Variants in ACOX3 observed in about 807,000 individuals in gnomAD.
ACOX3 encodes the protein peroxisomal acyl-coenzyme A oxidase 3.
In ACOX3, 73 loss-of-function variants were observed where a neutral mutation model predicts 81.5. The observed-to-expected ratio is 0.90, with a 90% CI of 0.74 to 1.09. The LOEUF (loss-of-function observed/expected upper bound fraction) is 1.09, where lower values mean the gene tolerates loss of function less well. ACOX3 is among the 50% of genes least tolerant of loss of function. The pLI is 0.00. For synonymous variants in ACOX3, 387 were observed against 375.1 expected, an observed-to-expected ratio of 1.03 and a Z score of -0.37; for missense variants, 947 against 928.0, an observed-to-expected ratio of 1.02 and a Z score of -0.27.
chr4:8,369,293 T>C (rs575257535), intron 17 of ACOX3, among the ~76,000 whole-genome samples: 1 of 152,136 alleles, frequency 6.6e-6, no homozygotes, highest in East Asian at 1.9e-4. Flanking sequence ...GGAGACTGCC[T>C]CTCCCAGGAA....
chr4:8,438,754 T>C (rs1483440598), intron 1 of ACOX3: 1 of 152,236 alleles, frequency 6.6e-6, no homozygotes, highest in Non-Finnish European at 1.5e-5. Flanking sequence ...TCTTTTCCAC[T>C]CCCACTGCTG....
chr4:8,428,981 C>T (rs1723783087), intron 1 of ACOX3, among the ~76,000 whole-genome samples: 1 of 152,118 alleles, frequency 6.6e-6, no homozygotes, highest in South Asian at 2.1e-4. Context: ...GGAAGTGGGC[C>T]CTCATTGACC....
intron 17 of ACOX3, among the ~76,000 whole-genome samples, chr4:8,367,806 C>CAAAAAAAAAAAAAAA (rs535574857): frequency 4.3e-5 from 2 of 46,714 alleles, no homozygotes; most frequent in African/African-American, 6.3e-5. Flanking sequence ...CCCATCTTTA[C>CAAAAAAAAAAAAAAA]AAAAAAAAAA....
Position 8,416,501 on chromosome 4 carries a change from T to G in ACOX3, c.21A>C (p.Gly7=). 6.2e-7 allele frequency: 1 copy of G among 1,610,922 alleles called. No individual in the cohort carries two copies. Among genetic ancestry groups the G allele is most frequent in the African/African-American group, 1.3e-5 (1 of 74,920 alleles). ...ATTCTGGGAGCAGAGCTGTGTCGCC[T>G]CCTTCCACAGTGGATGCCATCGCGT... MASTVE[G]GDTALLPEFP... The change falls in exon 2 of 18, where the codon GGA becomes GGC. Residue 7 remains glycine, a synonymous_variant. Transcript: ENST00000356406. This position sits in a 1 kb window ranked among gnomAD's most constrained non-coding sequence, Gnocchi z 4.2.
At chr4:8,357,269 G>C in the ACOX3 span, 1 of 456,696 alleles carries the variant, frequency 2.2e-6, no homozygotes, top group Middle Eastern at 3.3e-4. Flanking sequence ...GCCAGGAGAC[G>C]GGGGCCCTCG....
rs1719790817 is a variant in ACOX3, at chr4:8,397,080, A to T, written c.913T>A (p.Ser305Thr). ...CTCACGATGGAGACCCGGCCCGAGG[A>T]CAGGCTCCCCAGGGACGCTCCAAAG... Reference protein sequence around the residue: ...QRFGASLGSLSSGRVSIVSLA... With the variant: ...QRFGASLGSLTSGRVSIVSLA... The change falls in exon 9 of 18, where the codon TCC (serine) becomes ACC (threonine). Residue 305 changes from serine to threonine, a missense_variant. Ser to Thr is a moderately conservative substitution (Grantham distance 58). Coordinates refer to ENST00000356406, the MANE Select transcript of ACOX3 (RefSeq NM_003501.3). 6.3e-7 allele frequency: 1 copy of T among 1,596,258 alleles called. No individual in the cohort carries two copies. The highest frequency in any genetic ancestry group is 8.5e-7 in the Non-Finnish European group (1 of 1,172,656).
At position 8,437,283 on chromosome 4, in the gene ACOX3, G is replaced by C. The variant is rs1013894289; in HGVS notation, c.-15+3365C>G. Among the ~76,000 whole-genome samples the C allele has an allele frequency of 6.5e-4, 98 of 151,886 alleles. No individual in the cohort carries two copies. The highest frequency in any genetic ancestry group is 2.3e-3 in the African/African-American group (95 of 41,460). ...TGTGACCAAGGAACAAAACAGGAAA[G>C]AGCAAAAGCAACAAGTGCGGCAGCT... is the stretch of plus-strand genomic sequence containing the variant. On this transcript the variant is annotated intron_variant, in intron 1 of 17. Transcript: ENST00000356406. This position sits in a 1 kb window ranked among gnomAD's most constrained non-coding sequence, Gnocchi z 5.2.
At chr4:8,398,844 G>A (rs946816596) in intron 8 of ACOX3, among the ~76,000 whole-genome samples, 7 of 152,154 alleles carry the variant, frequency 4.6e-5, no homozygotes, top group African/African-American at 1.7e-4. Context: ...TCATCCTCCT[G>A]AGATAGTTAT....
chr4:8,374,854 C>T (rs1033768428), intron 15 of ACOX3, 124 bp downstream of exon 15: 8 of 1,087,366 alleles, frequency 7.4e-6, no homozygotes, highest in Non-Finnish European at 8.9e-6. Flanking sequence ...CTGTCCACAG[C>T]GCCATCCGCC....
chr4:8,405,970 T>C lies in ACOX3; in HGVS notation c.761A>G (p.Asn254Ser). 2.5e-6 allele frequency: 4 copies of C among 1,614,174 alleles called. No homozygotes were observed. The highest frequency in any genetic ancestry group is 2.5e-6 in the Non-Finnish European group (3 of 1,180,028). ...TGTCACTCACCCATTATCCAGACCG[T>C]TCTGCCCGAGTTTTTTTCCTATGTC... ...VGDIGKKLGQNGLDNGFAMFH... is the reference protein window; with the variant it reads ...VGDIGKKLGQSGLDNGFAMFH... Residue 254 changes from asparagine to serine, a missense_variant, in exon 7 of 18, where the codon AAC becomes AGC. Coordinates refer to ENST00000356406, the MANE Select transcript of ACOX3 (RefSeq NM_003501.3). This position sits in a 1 kb window ranked among gnomAD's most constrained non-coding sequence, Gnocchi z 7.1.
intron 1 of ACOX3, among the ~76,000 whole-genome samples, chr4:8,426,842 G>A (rs1284092155): frequency 1.3e-5 from 2 of 152,058 alleles, no homozygotes; most frequent in Admixed American, 6.5e-5. Context: ...AAGATCTACC[G>A]TGGACCCCTG....
At position 8,416,130 on chromosome 4, in the gene ACOX3, T is replaced by A; in HGVS notation, c.145-131A>T. Reference sequence around the variant, plus strand: ...TGACCCGGAGACACCCAGACAGAGATATGACTATCATTCCCAATGGACTAG... The same window carrying A: ...TGACCCGGAGACACCCAGACAGAGAAATGACTATCATTCCCAATGGACTAG... On this transcript the variant is annotated intron_variant, in intron 2 of 17. Transcript: ENST00000356406. The surrounding 1 kb of genome is among the most constrained non-coding windows in gnomAD (Gnocchi z 4.2). 9.7e-7 allele frequency: 1 copy of A among 1,029,620 alleles called. No individual in the cohort carries two copies. Among genetic ancestry groups the A allele is most frequent in the South Asian group, 1.5e-5 (1 of 64,706 alleles). The allele number at this position is 1,029,620 out of a possible 1,614,324, so 63.8% of individuals were successfully genotyped here. A position where few individuals can be genotyped will look rare whatever the true frequency, so the allele number is the denominator to read the frequency against.
At chr4:8,415,029 C>G in intron 3 of ACOX3, 101 bp from the exon 4 acceptor site, 1 of 1,073,512 alleles carries the variant, frequency 9.3e-7, no homozygotes, top group Non-Finnish European at 1.4e-6. Flanking sequence ...CATGCCCACG[C>G]TGGTTCCCTG....
intron 1 of ACOX3, among the ~76,000 whole-genome samples, chr4:8,426,129 C>T (rs965560144): frequency 3.3e-5 from 5 of 152,078 alleles, no homozygotes; most frequent in African/African-American, 4.8e-5. Context: ...GACCGAGAGA[C>T]GGCCAATTTA....
rs1452092686 is a variant in ACOX3, at chr4:8,386,900, G to T, written c.1537+2273C>A. On this transcript the variant is annotated intron_variant, in intron 13 of 17. Transcript: ENST00000356406. The surrounding 1 kb of genome is among the most constrained non-coding windows in gnomAD (Gnocchi z 5.2). ...AGACGGACAAGGACACACGCTCGGG[G>T]GCTGCTATCACATCCACGGCGTCGG... 1.3e-5 allele frequency among the ~76,000 whole-genome samples: 2 copies of T among 152,208 alleles called. No individual in the cohort carries two copies. Among genetic ancestry groups the T allele is most frequent in the Non-Finnish European group, 2.9e-5 (2 of 68,040 alleles).
At chr4:8,358,974 G>C in the ACOX3 span, among the ~76,000 whole-genome samples, 3 of 152,196 alleles carry the variant, frequency 2.0e-5, no homozygotes, top group East Asian at 5.8e-4. Flanking sequence ...ACCCTCTCTC[G>C]GGGTCTGGAT....
At chr4:8,371,689 T>G (rs1249208967) in intron 16 of ACOX3, among the ~76,000 whole-genome samples, 1 of 152,268 alleles carries the variant, frequency 6.6e-6, no homozygotes, top group Non-Finnish European at 1.5e-5. Flanking sequence ...ACCTCTGCGC[T>G]TCAGCGCCGC....
chr4:8,425,955 C>T (rs1723441226), intron 1 of ACOX3, among the ~76,000 whole-genome samples: 1 of 152,016 alleles, frequency 6.6e-6, no homozygotes, highest in Non-Finnish European at 1.5e-5. Flanking sequence ...ATGAACGAAA[C>T]ACTCAAACAA....
Position 8,416,422 on chromosome 4 carries a change from C to T in ACOX3, c.100G>A (p.Glu34Lys). The change falls in exon 2 of 18, where the codon GAG (glutamate) becomes AAG (lysine). Residue 34 changes from glutamate (E) to lysine (K), a missense_variant. Coordinates refer to ENST00000356406, the MANE Select transcript of ACOX3 (RefSeq NM_003501.3). This position sits in a 1 kb window ranked among gnomAD's most constrained non-coding sequence, Gnocchi z 4.2. ...YRARASFSWKELALFTEGEGM... is the reference protein window; with the variant it reads ...YRARASFSWKKLALFTEGEGM... ...TCCCCTTCCGTGAACAGCGCCAGCT[C>T]CTTCCAGCTGAAGGACGCTCTTGCT... The T allele has an allele frequency of 6.2e-7, 1 of 1,614,228 alleles. No homozygotes were observed. The highest frequency in any genetic ancestry group is 8.5e-7 in the Non-Finnish European group (1 of 1,180,036).
Sources: gnomAD v4.1 joint callset for allele counts (sites outside exome capture counted in the v4.1 genomes callset) on GRCh38, gnomAD v4.1.1 for gene constraint, Gnocchi (gnomAD v3.1) non-coding constraint, MANE v1.5 for transcripts, NCBI Gene and HGNC (gene_info 2026-07-23, HGNC 2026-07-21) for gene names.